Variants in NCK2 observed in about 807,000 individuals in gnomAD.
NCK2 encodes the protein NCK adaptor protein 2.
NCK2 carries 16 observed loss-of-function variants against 33.9 expected under a neutral mutation model. The observed-to-expected ratio is 0.47, with a 90% CI of 0.32 to 0.72. NCK2 has a LOEUF of 0.72. Among genes scored for constraint, NCK2 ranks in the 30% least tolerant of loss-of-function variants. The pLI, the probability that NCK2 is intolerant of heterozygous loss-of-function variation, is 0.03. For synonymous variants in NCK2, 273 were observed against 239.9 expected (o/e 1.14, Z -1.27); for missense variants, 418 against 537.3 (o/e 0.78, Z 2.19).
intron 1 of NCK2, among the ~76,000 whole-genome samples, chr2:105,794,705 T>C (rs1051716054): frequency 4.6e-5 from 7 of 151,224 alleles, no homozygotes; most frequent in African/African-American, 7.3e-5. Flanking sequence ...TTTTATTTAT[T>C]TATTTATTTA....
chr2:105,759,680 C>T (rs186644407), intron 1 of NCK2, among the ~76,000 whole-genome samples: 67 of 152,212 alleles, frequency 4.4e-4, no homozygotes, highest in Middle Eastern at 6.8e-3. Flanking sequence ...AGTTTATTTG[C>T]CCTGACATCC....
intron 2 of NCK2, among the ~76,000 whole-genome samples, chr2:105,817,093 T>G (rs1675520809): frequency 6.6e-6 from 1 of 151,298 alleles, no homozygotes; most frequent in Non-Finnish European, 1.5e-5. Context: ...GGAGAATTAC[T>G]TGAACCTGGG....
chr2:105,777,138 C>T (rs1349649011), intron 1 of NCK2, among the ~76,000 whole-genome samples: 1 of 152,018 alleles, frequency 6.6e-6, no homozygotes, highest in African/African-American at 2.4e-5. Flanking sequence ...AATTCTGAGC[C>T]CACGGCCCTG....
At chr2:105,763,013 A>C (rs145073355) in intron 1 of NCK2, among the ~76,000 whole-genome samples, 2,865 of 152,268 alleles carry the variant, frequency 0.019, 51 homozygotes, top group Non-Finnish European at 0.022. Context: ...TGGGCAACAC[A>C]GTGAAACCCC....
chr2:105,824,397 A>G (rs1675866104), intron 2 of NCK2, among the ~76,000 whole-genome samples: 1 of 152,168 alleles, frequency 6.6e-6, no homozygotes, highest in Non-Finnish European at 1.5e-5. Context: ...CCCAGAGGTT[A>G]TGTTGAAGAT....
chr2:105,748,050 A>G (rs549687725), intron 1 of NCK2, among the ~76,000 whole-genome samples: 1 of 152,344 alleles, frequency 6.6e-6, no homozygotes, highest in Admixed American at 6.5e-5. Flanking sequence ...CTGCCCAGTG[A>G]CACACATCCA....
intron 4 of NCK2, among the ~76,000 whole-genome samples, chr2:105,887,702 T>G (rs1678773477): frequency 6.6e-6 from 1 of 152,236 alleles, no homozygotes; most frequent in Admixed American, 6.5e-5. Flanking sequence ...AAGTCTGTCC[T>G]CGGCATTCAT....
chr2:105,815,178 A>G (rs1369505175), intron 1 of NCK2, among the ~76,000 whole-genome samples: 1 of 152,198 alleles, frequency 6.6e-6, no homozygotes, highest in Non-Finnish European at 1.5e-5. Flanking sequence ...ATGTATTCCC[A>G]CTGTGTTTGG....
chr2:105,773,283 C>T (rs1690193855), intron 1 of NCK2, among the ~76,000 whole-genome samples: 2 of 152,000 alleles, frequency 1.3e-5, no homozygotes, highest in African/African-American at 2.4e-5. Flanking sequence ...TTTCTCGAAT[C>T]CTCTAACACT....
At chr2:105,750,490 G>T (rs1017632200) in intron 1 of NCK2, among the ~76,000 whole-genome samples, 3 of 152,204 alleles carry the variant, frequency 2.0e-5, no homozygotes, top group Non-Finnish European at 2.9e-5. Flanking sequence ...CTTTTAGGAA[G>T]ACCTGGTGCT....
At chr2:105,882,821 G>A (rs1253846064) in intron 4 of NCK2, among the ~76,000 whole-genome samples, 1 of 152,186 alleles carries the variant, frequency 6.6e-6, no homozygotes. Context: ...ACAATCGAGA[G>A]ACTTCCAAAA....
At chr2:105,833,716 A>G (rs536630513) in intron 2 of NCK2, among the ~76,000 whole-genome samples, 3 of 151,054 alleles carry the variant, frequency 2.0e-5, no homozygotes, top group African/African-American at 7.3e-5. Flanking sequence ...ATTTCTTTCT[A>G]CTAATTTTGG....
At position 105,779,550 on chromosome 2, in the gene NCK2, G is replaced by A. The variant is rs1358361186; in HGVS notation, c.-201+34412G>A. ...GCTGAACTTGGCTTCCTGGAGCTGG[G>A]TGCAGCCTCCTGGCTGCAGACCTGA... On this transcript the variant is annotated intron_variant, in intron 1 of 4. Coordinates refer to ENST00000233154, the MANE Select transcript of NCK2 (RefSeq NM_003581.5). 2.0e-5 allele frequency among the ~76,000 whole-genome samples: 3 copies of A among 152,200 alleles called. No homozygotes were observed. The East Asian group carries it at 5.8e-4, about 29-fold the overall frequency.
At chr2:105,835,397 ATATATATACGTG>A (rs1676371448) in intron 2 of NCK2, among the ~76,000 whole-genome samples, 3 of 97,442 alleles carry the variant, frequency 3.1e-5, no homozygotes, top group Non-Finnish European at 6.8e-5. Flanking sequence ...ACATATATAT[ATATATATACGTG>A]TATATATATA....
At chr2:105,872,442 C>T (rs1286679030) in intron 3 of NCK2, among the ~76,000 whole-genome samples, 1 of 152,184 alleles carries the variant, frequency 6.6e-6, no homozygotes, top group African/African-American at 2.4e-5. Context: ...CCTCCGTGTC[C>T]TGCGGGACCG....
chr2:105,805,180 G>C (rs762104451), intron 1 of NCK2, among the ~76,000 whole-genome samples: 1 of 152,162 alleles, frequency 6.6e-6, no homozygotes, highest in Admixed American at 6.5e-5. Context: ...AAGAGAGCAC[G>C]TTTGAGTTCC....
At chr2:105,886,013 A>C (rs1678708587) in intron 4 of NCK2, among the ~76,000 whole-genome samples, 1 of 152,186 alleles carries the variant, frequency 6.6e-6, no homozygotes, top group Non-Finnish European at 1.5e-5. Context: ...GAGCAATGTG[A>C]AAGCTGCTTC....
At chr2:105,891,093 AG>A (rs1213049769) in intron 4 of NCK2, among the ~76,000 whole-genome samples, 4 of 152,182 alleles carry the variant, frequency 2.6e-5, no homozygotes, top group Non-Finnish European at 4.4e-5. Context: ...CATTGTCCAG[AG>A]GGCTCTCCTG....
chr2:105,818,996 G>A (rs775029862), intron 2 of NCK2, among the ~76,000 whole-genome samples: 7 of 152,216 alleles, frequency 4.6e-5, no homozygotes, highest in Non-Finnish European at 8.8e-5. Flanking sequence ...AGGATTAAGT[G>A]TCTTAGTGTT....
Sources: allele counts gnomAD v4.1 joint callset (sites outside exome capture counted in the v4.1 genomes callset), GRCh38; gene constraint gnomAD v4.1.1; transcripts MANE v1.5; gene names NCBI Gene and HGNC (gene_info 2026-07-23, HGNC 2026-07-21).